Variants in MAGEC3 observed in about 807,000 individuals in gnomAD.
The protein encoded by MAGEC3 is melanoma-associated antigen C3.
In MAGEC3, 34 loss-of-function variants were observed where a neutral mutation model predicts 35.3. The ratio of observed to expected loss-of-function variants is 0.96; its 90% CI spans 0.73 to 1.28. The LOEUF (loss-of-function observed/expected upper bound fraction) is 1.28. MAGEC3 is among the 50% of genes most tolerant of loss of function. The probability of loss-of-function intolerance (pLI) is 0.00; values close to 1 mark genes in which losing one functional copy is unlikely to be tolerated. For synonymous variants in MAGEC3, 202 were observed against 185.6 expected (o/e 1.09, Z -0.72); for missense variants, 561 against 483.6 (o/e 1.16, Z -1.50).
At chrX:141,863,996 G>A (rs1159601057) in intron 1 of MAGEC3, among the ~76,000 whole-genome samples, 1 of 111,729 alleles carries the variant, frequency 9.0e-6, no homozygotes, top group Non-Finnish European at 1.9e-5. Flanking sequence ...GCTGTTAGTT[G>A]ACTACAAAGG....
chrX:141,879,127 C>T (rs1325503963), intron 2 of MAGEC3, 48 bp from the exon 3 acceptor site: 6 of 1,124,465 alleles, frequency 5.3e-6, no homozygotes, highest in Middle Eastern at 7.2e-4. Context: ...AGGAAGGGAA[C>T]ACCCATGACT....
chrX:141,881,105 C>A (rs2017959955), intron 3 of MAGEC3, among the ~76,000 whole-genome samples: 1 of 111,752 alleles, frequency 8.9e-6, no homozygotes, highest in African/African-American at 3.3e-5. Flanking sequence ...TCCTCCATTT[C>A]CTCTTCCTCT....
At chrX:141,895,648 C>A in intron 6 of MAGEC3, 89 bp downstream of exon 6, 3 of 914,590 alleles carry the variant, frequency 3.3e-6, no homozygotes, top group Non-Finnish European at 4.4e-6. Context: ...GAGATTCCCA[C>A]CCTGCTCCTC....
chrX:141,865,747 C>A, intron 2 of MAGEC3, 142 bp downstream of exon 2: 2 of 602,469 alleles, frequency 3.3e-6, no homozygotes, highest in Non-Finnish European at 4.8e-6. Flanking sequence ...ATTTTTGGGG[C>A]CTGAGGGAGG....
At chrX:141,887,024 G>A (rs767234563) in intron 4 of MAGEC3, among the ~76,000 whole-genome samples, 16 of 111,878 alleles carry the variant, frequency 1.4e-4, no homozygotes, top group Middle Eastern at 4.6e-3. Context: ...GTGGATTATC[G>A]TAAGCTTACC....
intron 2 of MAGEC3, among the ~76,000 whole-genome samples, chrX:141,874,075 A>T (rs2017905164): frequency 8.9e-6 from 1 of 112,164 alleles, no homozygotes; most frequent in Admixed American, 9.4e-5. Flanking sequence ...AAATATAGTC[A>T]ACCAACTTTT....
At chrX:141,882,373 CAT>C (rs1310069521) in intron 4 of MAGEC3, among the ~76,000 whole-genome samples, 3 of 111,605 alleles carry the variant, frequency 2.7e-5, no homozygotes, top group Non-Finnish European at 5.6e-5. Flanking sequence ...ATTAGTCACA[CAT>C]ATATTGCTGT....
chrX:141,858,418 T>A (rs942314696), intron 1 of MAGEC3, among the ~76,000 whole-genome samples: 2 of 111,090 alleles, frequency 1.8e-5, no homozygotes, highest in African/African-American at 6.5e-5. Flanking sequence ...CACTTCTAAT[T>A]TAAGTGAGGG....
chrX:141,842,731 A>AGC (rs2017693265), intron 1 of MAGEC3, among the ~76,000 whole-genome samples: 1 of 111,880 alleles, frequency 8.9e-6, no homozygotes, highest in African/African-American at 3.2e-5. Flanking sequence ...TCTAGCCCAC[A>AGC]CAGTGAATCA....
chrX:141,851,931 C>T (rs923559178), intron 1 of MAGEC3, among the ~76,000 whole-genome samples: 3 of 110,565 alleles, frequency 2.7e-5, no homozygotes, highest in Non-Finnish European at 5.7e-5. Flanking sequence ...GGGTCCCCTG[C>T]ATTTCCATAT....
intron 1 of MAGEC3, among the ~76,000 whole-genome samples, chrX:141,862,534 A>G (rs2017821723): frequency 8.9e-6 from 1 of 112,585 alleles, no homozygotes; most frequent in African/African-American, 3.2e-5. Context: ...GATTCTACCC[A>G]GATGTCCACC....
At position 141,838,381 on chromosome X, in the gene MAGEC3, G is replaced by C. The variant is rs143815982; in HGVS notation, c.66G>C (p.Val22=). The C allele has an allele frequency of 1.1e-3, 1,330 of 1,209,891 alleles. 15 individuals are homozygous for C. The African/African-American group carries it at 0.02, about 19-fold the overall frequency. Residue 22 remains valine (V), a synonymous_variant, in exon 1 of 8, where the codon GTG becomes GTC. Transcript: ENST00000298296. ...TFSDGSLGQW[V]KNTCATYALS... ...GTGATGGCAGTCTAGGCCAGTGGGT[G>C]AAAAACACATGTGCCACATATGCCT...
At position 141,859,041 on chromosome X, in the gene MAGEC3, T is replaced by C. The variant is rs1219385292; in HGVS notation, c.124-6430T>C. Reference sequence around the variant, plus strand: ...TATGGTATATTACAAGTCATATGACTAACCCCAAATGAATGACCATTCGCT... The same window carrying C: ...TATGGTATATTACAAGTCATATGACCAACCCCAAATGAATGACCATTCGCT... On this transcript the variant is annotated intron_variant, in intron 1 of 7. Transcript: ENST00000298296. Among the ~76,000 whole-genome samples the C allele has an allele frequency of 3.0e-4, 32 of 106,027 alleles. No individual in the cohort carries two copies. The Admixed American group carries it at 3.2e-3, about 10-fold the overall frequency. The allele number at this position is 106,027 out of a possible 115,157, so 92.1% of individuals were successfully genotyped here. A position where few individuals can be genotyped will look rare whatever the true frequency, so the allele number is the denominator to read the frequency against.
intron 1 of MAGEC3, chrX:141,839,997 A>G (rs938931048): frequency 1.3e-6 from 1 of 750,103 alleles, no homozygotes; most frequent in African/African-American, 2.3e-5. Flanking sequence ...ATTTGCTCAG[A>G]ACTCTAAAAA....
chrX:141,864,215 C>T (rs1440625716), intron 1 of MAGEC3, among the ~76,000 whole-genome samples: 2 of 107,161 alleles, frequency 1.9e-5, no homozygotes, highest in Non-Finnish European at 3.8e-5. Flanking sequence ...CATGGTGGCT[C>T]ACGCTTATAA....
chrX:141,886,502 C>T (rs757144201), intron 4 of MAGEC3, among the ~76,000 whole-genome samples: 3 of 111,258 alleles, frequency 2.7e-5, no homozygotes, highest in Non-Finnish European at 5.7e-5. Context: ...TTGGACATTT[C>T]GGGACTACTG....
chrX:141,897,620 G>A lies in MAGEC3; in HGVS notation c.1729-9G>A. 8.3e-7 allele frequency: 1 copy of A among 1,205,264 alleles called. No homozygotes were observed. Among genetic ancestry groups the A allele is most frequent in the Non-Finnish European group, 1.1e-6 (1 of 892,583 alleles). On this transcript the variant is annotated splice_polypyrimidine_tract_variant and intron_variant, in intron 7 of 7. Transcript: ENST00000298296. ...CCTCCACGTTATGAATTTTTGTGGGGTCCAAGAGCCCATTCAGAGGCCAGC... is the reference window on the plus strand; with the variant it reads ...CCTCCACGTTATGAATTTTTGTGGGATCCAAGAGCCCATTCAGAGGCCAGC...
chrX:141,897,777 C>T lies in MAGEC3; in HGVS notation c.1877C>T (p.Thr626Ile). 3.3e-6 allele frequency: 4 copies of T among 1,208,097 alleles called. No individual in the cohort carries two copies. The South Asian group carries it at 7.2e-5, about 22-fold the overall frequency. ...QAIIDTTDDA[T>I]AMASASPSVM... Reference sequence around the variant, plus strand: ...ATAATTGACACCACAGATGATGCTACTGCCATGGCCAGTGCAAGCCCCAGT... The same window carrying T: ...ATAATTGACACCACAGATGATGCTATTGCCATGGCCAGTGCAAGCCCCAGT... Residue 626 changes from threonine (T) to isoleucine (I), a missense_variant, in exon 8 of 8, where the codon ACT (threonine) becomes ATT (isoleucine). Coordinates refer to ENST00000298296, the MANE Select transcript of MAGEC3 (RefSeq NM_138702.1).
chrX:141,894,968 G>A (rs1368174386), intron 4 of MAGEC3, among the ~76,000 whole-genome samples: 1 of 96,647 alleles, frequency 1.0e-5, no homozygotes, highest in African/African-American at 3.8e-5. Context: ...GAGGGAGTGG[G>A]AAAGTGGGCA....
Sources: gnomAD v4.1 joint callset for allele counts (sites outside exome capture counted in the v4.1 genomes callset) on GRCh38, gnomAD v4.1.1 for gene constraint, MANE v1.5 for transcripts, NCBI Gene and HGNC (gene_info 2026-07-23, HGNC 2026-07-21) for gene names.